The following VPS13B variants were observed in gnomAD, a reference collection of about 807,000 sequenced individuals.
VPS13B encodes the protein vacuolar protein sorting 13 homolog B, also known as intermembrane lipid transfer protein VPS13B.
VPS13B carries 285 observed loss-of-function variants against 426.4 expected under a neutral mutation model. The observed-to-expected ratio is 0.67, with a 90% CI of 0.61 to 0.74. The LOEUF (loss-of-function observed/expected upper bound fraction) is 0.74. Ranked by LOEUF, VPS13B falls within the 30% of genes least tolerant of loss-of-function variation. VPS13B has a pLI of 0.00. For missense variants in VPS13B, 4,537 were observed against 4,782.6 expected, an observed-to-expected ratio of 0.95 and a Z score of 1.51; for synonymous variants, 1,676 against 1,676.4, an observed-to-expected ratio of 1.00 and a Z score of 0.01.
At chr8:99,331,674 A>G (rs1437876988) in intron 19 of VPS13B, among the ~76,000 whole-genome samples, 2 of 151,820 alleles carry the variant, frequency 1.3e-5, no homozygotes, top group Admixed American at 6.6e-5. Context: ...AAATCAATAC[A>G]GTAAACTTCT....
chr8:99,336,720 C>T (rs1360938262), intron 19 of VPS13B, among the ~76,000 whole-genome samples: 3 of 152,204 alleles, frequency 2.0e-5, no homozygotes, highest in Admixed American at 1.3e-4. Context: ...ACAGACACTT[C>T]TCAAAAGAAG....
At chr8:99,310,242 G>A (rs1362367054) in intron 19 of VPS13B, among the ~76,000 whole-genome samples, 1 of 152,098 alleles carries the variant, frequency 6.6e-6, no homozygotes, top group East Asian at 1.9e-4. Context: ...GGTGAGAGAG[G>A]GCATCCCTGT....
intron 33 of VPS13B, among the ~76,000 whole-genome samples, chr8:99,626,343 C>G (rs563337642): frequency 6.2e-4 from 94 of 152,282 alleles, no homozygotes; most frequent in African/African-American, 2.2e-3. Context: ...TCATTAAAGA[C>G]TATATACTAT....
intron 39 of VPS13B, among the ~76,000 whole-genome samples, chr8:99,729,861 A>G (rs1227430258): frequency 3.3e-5 from 5 of 152,232 alleles, no homozygotes; most frequent in Admixed American, 6.5e-5. Flanking sequence ...ATTATCCAAT[A>G]AAGTAGAAAC....
intron 36 of VPS13B, among the ~76,000 whole-genome samples, chr8:99,713,272 C>T (rs1040162115): frequency 1.3e-5 from 2 of 152,146 alleles, no homozygotes; most frequent in African/African-American, 4.8e-5. Context: ...CAAGCCCATT[C>T]CTAAAGAGAC....
chr8:99,256,226 C>G (rs1817736513), intron 17 of VPS13B, among the ~76,000 whole-genome samples: 1 of 152,152 alleles, frequency 6.6e-6, no homozygotes, highest in South Asian at 2.1e-4. Context: ...TTTGCTGGGT[C>G]TACATGTCCC....
At chr8:99,209,649 C>A in intron 17 of VPS13B, 1 of 657,676 alleles carries the variant, frequency 1.5e-6, no homozygotes, top group Non-Finnish European at 2.0e-6. Flanking sequence ...TCAAATGATC[C>A]TCCCACCTCA....
chr8:99,649,844 C>T lies in VPS13B; in HGVS notation c.5908+7346C>T, dbSNP rs142571554. ...ACTGTGCACCACAATATAGGGCTCA[C>T]TCTCGAGTTAAACTTATAAAAGAAG... On this transcript the variant is annotated intron_variant, in intron 34 of 61. Coordinates refer to ENST00000357162, the MANE Select transcript of VPS13B (RefSeq NM_152564.5). Among the ~76,000 whole-genome samples the T allele has an allele frequency of 6.3e-3, 952 of 152,308 alleles. 9 individuals carry two copies. Among genetic ancestry groups the T allele is most frequent in the African/African-American group, 0.022 (894 of 41,562 alleles).
chr8:99,080,027 T>C (rs897981922), intron 3 of VPS13B, among the ~76,000 whole-genome samples: 2 of 150,628 alleles, frequency 1.3e-5, no homozygotes, highest in African/African-American at 4.9e-5. Flanking sequence ...TGTGTAAATA[T>C]ATACTTGTGT....
intron 3 of VPS13B, among the ~76,000 whole-genome samples, chr8:99,050,821 A>G (rs903051928): frequency 2.0e-5 from 3 of 152,212 alleles, no homozygotes; most frequent in Non-Finnish European, 4.4e-5. Context: ...TTTTGGCTGC[A>G]TTAATGTCTT....
chr8:99,275,282 T>G, intron 19 of VPS13B, 28 bp downstream of exon 19: 1 of 1,527,800 alleles, frequency 6.5e-7, no homozygotes, highest in East Asian at 2.3e-5. Flanking sequence ...ATTATTCCCT[T>G]GTTTTGCTTT....
chr8:99,488,083 T>G (rs548965972), intron 25 of VPS13B, among the ~76,000 whole-genome samples: 1 of 152,286 alleles, frequency 6.6e-6, no homozygotes, highest in East Asian at 1.9e-4. Flanking sequence ...TGGTTTAAAA[T>G]GCAGAGGGAG....
At chr8:99,521,257 T>C (rs983017266) in intron 30 of VPS13B, among the ~76,000 whole-genome samples, 4 of 152,212 alleles carry the variant, frequency 2.6e-5, no homozygotes, top group Non-Finnish European at 4.4e-5. Context: ...TGAAGAAGCA[T>C]AGTTTGGAAA....
intron 3 of VPS13B, among the ~76,000 whole-genome samples, chr8:99,062,251 A>C (rs1844228934): frequency 6.6e-6 from 1 of 152,204 alleles, no homozygotes; most frequent in Non-Finnish European, 1.5e-5. Context: ...TCTAACATTT[A>C]TAATACAAAT....
At chr8:99,814,954 A>ACT (rs1190487782) in intron 44 of VPS13B, among the ~76,000 whole-genome samples, 6 of 152,088 alleles carry the variant, frequency 3.9e-5, no homozygotes, top group Admixed American at 3.9e-4. Flanking sequence ...GGCCAGACTT[A>ACT]CTGGGTAACA....
intron 39 of VPS13B, among the ~76,000 whole-genome samples, chr8:99,762,070 G>A (rs12548882): frequency 1.3e-3 from 201 of 151,518 alleles, no homozygotes; most frequent in South Asian, 4.4e-3. Flanking sequence ...TCTGTTGTCC[G>A]GGCTGGGTGC....
intron 34 of VPS13B, among the ~76,000 whole-genome samples, chr8:99,650,355 C>A (rs924607553): frequency 1.3e-5 from 2 of 152,198 alleles, no homozygotes; most frequent in Admixed American, 1.3e-4. Context: ...CATATACTAT[C>A]AAATCAAGTT....
At chr8:99,857,465 C>G (rs1045265528) in intron 56 of VPS13B, among the ~76,000 whole-genome samples, 2 of 152,200 alleles carry the variant, frequency 1.3e-5, no homozygotes, top group Admixed American at 1.3e-4. Context: ...TTCTTTACCT[C>G]CAGAGAAGGC....
At chr8:99,144,119 G>C (rs1166507823) in intron 13 of VPS13B, among the ~76,000 whole-genome samples, 2 of 152,114 alleles carry the variant, frequency 1.3e-5, no homozygotes, top group African/African-American at 4.8e-5. Flanking sequence ...AGAGTAGCAA[G>C]ATAAAAAGCA....
Sources: allele counts gnomAD v4.1 joint callset (sites outside exome capture counted in the v4.1 genomes callset), GRCh38; gene constraint gnomAD v4.1.1; transcripts MANE v1.5; gene names NCBI Gene and HGNC (gene_info 2026-07-23, HGNC 2026-07-21).